The following CDH18 variants were observed in gnomAD, a reference collection of about 807,000 sequenced individuals.
The protein encoded by CDH18 is cadherin 18.
A neutral mutation model predicts 67.9 loss-of-function variants in CDH18; 31 were observed. The observed-to-expected ratio is 0.46, with a 90% CI of 0.34 to 0.62. The LOEUF is 0.62. Among genes scored for constraint, CDH18 ranks in the 20% least tolerant of loss-of-function variants. The pLI is 0.01. For synonymous variants in CDH18, 362 were observed against 347.2 expected (o/e 1.04, Z -0.48); for missense variants, 890 against 975.5 (o/e 0.91, Z 1.17).
At chr5:19,595,876 C>A (rs1190641390) in intron 6 of CDH18, among the ~76,000 whole-genome samples, 1 of 152,134 alleles carries the variant, frequency 6.6e-6, no homozygotes, top group Non-Finnish European at 1.5e-5. Flanking sequence ...TATGTTCAAC[C>A]AACATATCTT....
At chr5:19,820,993 A>C (rs1214951712) in intron 3 of CDH18, among the ~76,000 whole-genome samples, 3 of 152,188 alleles carry the variant, frequency 2.0e-5, no homozygotes, top group Non-Finnish European at 4.4e-5. Flanking sequence ...ATGAAACGTT[A>C]CTCATCTCAG....
chr5:19,830,817 C>T (rs1041104566), intron 3 of CDH18, among the ~76,000 whole-genome samples: 1 of 151,998 alleles, frequency 6.6e-6, no homozygotes, highest in Non-Finnish European at 1.5e-5. Context: ...TGGATAATGA[C>T]CATGCGGCAC....
intron 2 of CDH18, among the ~76,000 whole-genome samples, chr5:19,929,696 C>T (rs1480645289): frequency 6.6e-6 from 1 of 152,024 alleles, no homozygotes; most frequent in African/African-American, 2.4e-5. Context: ...CAAAAAAAGG[C>T]CTCAATACAT....
intron 2 of CDH18, among the ~76,000 whole-genome samples, chr5:20,202,266 T>C (rs1739510340): frequency 6.6e-6 from 1 of 152,170 alleles, no homozygotes; most frequent in Non-Finnish European, 1.5e-5. Flanking sequence ...TTTTAGATTA[T>C]TTAGAATCAT....
chr5:19,595,326 A>G (rs1477702969), intron 6 of CDH18, among the ~76,000 whole-genome samples: 1 of 152,246 alleles, frequency 6.6e-6, no homozygotes, highest in East Asian at 1.9e-4. Context: ...GAAAACATGG[A>G]TGAAAAATGT....
chr5:20,299,584 C>A (rs1176222514), intron 1 of CDH18, among the ~76,000 whole-genome samples: 1 of 151,808 alleles, frequency 6.6e-6, no homozygotes, highest in Admixed American at 6.6e-5. Context: ...TATGGTGAAA[C>A]CCCGTCTCTA....
intron 4 of CDH18, among the ~76,000 whole-genome samples, chr5:19,725,827 T>G (rs111672768): frequency 2.4e-4 from 36 of 152,218 alleles, no homozygotes; most frequent in African/African-American, 8.2e-4. Context: ...TTAACAGTTC[T>G]AGGCACATAG....
chr5:20,426,562 C>T (rs182965475), intron 1 of CDH18, among the ~76,000 whole-genome samples: 1 of 151,120 alleles, frequency 6.6e-6, no homozygotes, highest in East Asian at 1.9e-4. Context: ...ATTAATCACA[C>T]ACATACATAT....
At position 20,483,317 on chromosome 5, in the gene CDH18, C is replaced by A. The variant is rs1423579826; in HGVS notation, c.-580+92145G>T. On this transcript the variant is annotated intron_variant, in intron 1 of 14. Coordinates refer to the CDH18 transcript ENST00000507958. Reference sequence around the variant, plus strand: ...TTCCATATTTTTGAATTGGAAGAATCAATGTTGTTAAAATTTCCATGCTAT... The same window carrying A: ...TTCCATATTTTTGAATTGGAAGAATAAATGTTGTTAAAATTTCCATGCTAT... Among the ~76,000 whole-genome samples, 15 of 151,952 alleles carry A rather than the reference C, an allele frequency of 9.9e-5. 1 individual carries two copies.
intron 2 of CDH18, among the ~76,000 whole-genome samples, chr5:20,147,072 TTAAAGA>T (rs1158417979): frequency 6.6e-6 from 1 of 152,152 alleles, no homozygotes; most frequent in Non-Finnish European, 1.5e-5. Context: ...AGTATTAAAG[TTAAAGA>T]TAAAGTATGA....
chr5:19,741,152 CTA>C (rs143476745), intron 4 of CDH18, among the ~76,000 whole-genome samples: 3 of 146,244 alleles, frequency 2.1e-5, no homozygotes, highest in African/African-American at 7.5e-5. Flanking sequence ...ATATGTACAT[CTA>C]TGTCATCTAT....
chr5:19,526,135 C>T (rs1225389737), intron 9 of CDH18, among the ~76,000 whole-genome samples: 4 of 151,920 alleles, frequency 2.6e-5, no homozygotes, highest in Non-Finnish European at 5.9e-5. Context: ...TTTAACTTGC[C>T]AAGTTGTGTT....
rs554142411 is a variant in CDH18 at position 20,052,838 on chromosome 5, C to T, written c.-517-60824G>A. On this transcript the variant is annotated intron_variant, in intron 2 of 14. Transcript: ENST00000507958. ...GAAGATAACCAGTTTTAAAGATACACACTAGCTAAGATACTGCTCTTGGGG... is the reference window on the plus strand; with the variant it reads ...GAAGATAACCAGTTTTAAAGATACATACTAGCTAAGATACTGCTCTTGGGG... 4.6e-5 allele frequency among the ~76,000 whole-genome samples: 7 copies of T among 152,060 alleles called. No homozygotes were observed. In the South Asian group the frequency reaches 6.2e-4, roughly 14 times the overall value.
intron 2 of CDH18, among the ~76,000 whole-genome samples, chr5:20,191,582 A>C (rs2126719048): frequency 6.6e-6 from 1 of 152,032 alleles, no homozygotes; most frequent in South Asian, 2.1e-4. Flanking sequence ...CTCAACGTTC[A>C]ACCCCCACTT....
intron 2 of CDH18, among the ~76,000 whole-genome samples, chr5:20,191,840 G>A (rs951705467): frequency 6.6e-6 from 1 of 152,112 alleles, no homozygotes; most frequent in Admixed American, 6.6e-5. Context: ...TGTCTTTACA[G>A]TAGAATGATG....
At chr5:20,570,879 A>G (rs1758777064) in intron 1 of CDH18, among the ~76,000 whole-genome samples, 1 of 152,172 alleles carries the variant, frequency 6.6e-6, no homozygotes, top group Admixed American at 6.5e-5. Flanking sequence ...ATGCACACAT[A>G]GTTTCACAAA....
chr5:20,340,682 AGC>A (rs1740181156), intron 1 of CDH18, among the ~76,000 whole-genome samples: 4 of 152,126 alleles, frequency 2.6e-5, no homozygotes, highest in African/African-American at 4.8e-5. Context: ...ACCATCTAGG[AGC>A]CTCAGGTGAT....
chr5:20,349,414 A>T (rs1200244999), intron 1 of CDH18, among the ~76,000 whole-genome samples: 1 of 152,164 alleles, frequency 6.6e-6, no homozygotes, highest in Non-Finnish European at 1.5e-5. Context: ...TTTTGCCTCT[A>T]ATCTTCAGAA....
chr5:20,183,522 A>C (rs1026800345), intron 2 of CDH18, among the ~76,000 whole-genome samples: 1 of 152,242 alleles, frequency 6.6e-6, no homozygotes, highest in East Asian at 1.9e-4. Context: ...TAAAAAATAT[A>C]GCAGAAAAAA....
Sources: allele counts gnomAD v4.1 joint callset (sites outside exome capture counted in the v4.1 genomes callset), GRCh38; gene constraint gnomAD v4.1.1; transcripts MANE v1.5; gene names NCBI Gene and HGNC (gene_info 2026-07-23, HGNC 2026-07-21).